LRPPRC: variants seen among roughly 807,000 people sequenced by gnomAD.
LRPPRC encodes the protein leucine rich pentatricopeptide repeat containing, also known as leucine-rich PPR motif-containing protein, mitochondrial.
In LRPPRC, 120 loss-of-function variants were observed where a neutral mutation model predicts 180.3. The ratio of observed to expected loss-of-function variants is 0.67; its 90% CI spans 0.57 to 0.77. The LOEUF (loss-of-function observed/expected upper bound fraction) is 0.77, where lower values mean the gene tolerates loss of function less well. LRPPRC is among the 30% of genes least tolerant of loss of function. The pLI, the probability that LRPPRC is intolerant of heterozygous loss-of-function variation, is 0.00. For missense variants in LRPPRC, 2,012 were observed against 1,657.2 expected (o/e 1.21, Z -3.72); for synonymous variants, 723 against 600.0 (o/e 1.21, Z -3.00).
intron 31 of LRPPRC, chr2:43,902,024 A>G (rs1000901645): frequency 1.9e-5 from 3 of 155,350 alleles, no homozygotes; most frequent in Non-Finnish European, 2.8e-5. Context: ...GAACTTTAAC[A>G]CCAACAAATT....
chr2:43,962,361 C>T (rs941043709), intron 12 of LRPPRC, among the ~76,000 whole-genome samples: 6 of 152,012 alleles, frequency 3.9e-5, no homozygotes, highest in Non-Finnish European at 8.8e-5. Context: ...GATATAAACC[C>T]TAACACTTCA....
chr2:43,948,389 T>C lies in LRPPRC; in HGVS notation c.1842+23A>G, dbSNP rs749201134. ...TACATGTCAGGCAGGACAGGCATTA[T>C]ATAGCAAAAAACGAAATGGTACCAT... On this transcript the variant is annotated intron_variant, in intron 17 of 37. Transcript: ENST00000260665. The C allele has an allele frequency of 1.2e-5, 17 of 1,429,516 alleles. No individual in the cohort carries two copies. In the East Asian group the frequency reaches 2.3e-4, roughly 19 times the overall value. The allele number at this position is 1,429,516 out of a possible 1,614,324, so 88.6% of individuals were successfully genotyped here.
intron 3 of LRPPRC, 77 bp downstream of exon 3, chr2:43,979,749 A>G: frequency 7.7e-7 from 1 of 1,293,690 alleles, no homozygotes. Context: ...TACAGCATTT[A>G]TGTAAACAAA....
intron 35 of LRPPRC, among the ~76,000 whole-genome samples, chr2:43,895,054 T>C (rs183831574): frequency 2.6e-5 from 4 of 152,324 alleles, no homozygotes; most frequent in Non-Finnish European, 5.9e-5. Context: ...AAAAAGAGCA[T>C]TTCCAGAATC....
At chr2:43,971,907 T>C (rs1229260506) in intron 11 of LRPPRC, among the ~76,000 whole-genome samples, 1 of 152,176 alleles carries the variant, frequency 6.6e-6, no homozygotes, top group Non-Finnish European at 1.5e-5. Flanking sequence ...TGACAATCTT[T>C]TGCACTCTCA....
rs72877173 is a variant in LRPPRC, at chr2:43,934,318, A to G, written c.2630-22T>C. On this transcript the variant is annotated intron_variant, in intron 24 of 37. Transcript: ENST00000260665. Reference sequence around the variant, plus strand: ...ATTGCTAGGTAGGAGAGAAAAAAATATATATATTAGGAGAAAAAAAAACCC... The same window carrying G: ...ATTGCTAGGTAGGAGAGAAAAAAATGTATATATTAGGAGAAAAAAAAACCC... 5.2e-3 allele frequency: 6,138 copies of G among 1,184,916 alleles called. 195 individuals carry two copies. In the African/African-American group the frequency reaches 0.071, roughly 14 times the overall value. The allele number at this position is 1,184,916 out of a possible 1,614,324, so 73.4% of individuals were successfully genotyped here. A position where few individuals can be genotyped will look rare whatever the true frequency, so the allele number is the denominator to read the frequency against.
At chr2:43,932,123 C>CAAA (rs746600862) in intron 25 of LRPPRC, among the ~76,000 whole-genome samples, 564 of 20,848 alleles carry the variant, frequency 0.027, 164 homozygotes, top group Middle Eastern at 0.062. Flanking sequence ...GACCCTGTCT[C>CAAA]AAAAAAAAAA....
chr2:43,896,593 CGT>C, intron 35 of LRPPRC, 39 bp downstream of exon 35: 1 of 1,206,718 alleles, frequency 8.3e-7, no homozygotes. Flanking sequence ...GAGCAAGGCA[CGT>C]ACAGTATCAT....
intron 30 of LRPPRC, among the ~76,000 whole-genome samples, chr2:43,908,549 T>TC (rs1218041086): frequency 6.6e-6 from 1 of 152,080 alleles, no homozygotes; most frequent in Non-Finnish European, 1.5e-5. Context: ...CTTTTTTTTT[T>TC]CTCACTCTGT....
chr2:43,917,110 G>A (rs1264238122), intron 29 of LRPPRC, among the ~76,000 whole-genome samples: 1 of 141,784 alleles, frequency 7.1e-6, no homozygotes, highest in Non-Finnish European at 1.5e-5. Context: ...GTGCGATCTC[G>A]GCTCACTACA....
chr2:43,995,655 G>A (rs377349838), intron 1 of LRPPRC, 144 bp downstream of exon 1: 8 of 747,622 alleles, frequency 1.1e-5, no homozygotes, highest in Non-Finnish European at 1.5e-5. Context: ...CTGGTAGGGA[G>A]CGTGGTGCGG....
intron 11 of LRPPRC, among the ~76,000 whole-genome samples, chr2:43,972,606 G>A (rs541403396): frequency 1.3e-5 from 2 of 152,158 alleles, no homozygotes; most frequent in Non-Finnish European, 2.9e-5. Flanking sequence ...TATACAAAGA[G>A]TTAATCAAAC....
intron 36 of LRPPRC, among the ~76,000 whole-genome samples, chr2:43,894,097 G>A (rs1670595344): frequency 6.6e-6 from 1 of 152,000 alleles, no homozygotes; most frequent in Non-Finnish European, 1.5e-5. Flanking sequence ...TTTAATCAAG[G>A]GTCTGTCATT....
rs1670418842 is a variant in LRPPRC, at chr2:43,889,773, C to G, written c.4089G>C (p.Leu1363=). The change falls in exon 37 of 38, where the codon CTG becomes CTC. Residue 1363 remains leucine, a synonymous_variant. Transcript: ENST00000260665. ...DLFLKRYASL[L]KYAGEPVPFI... is the part of the protein sequence containing the mutation. ...AAGGGACAGGCTCTCCAGCATACTT[C>G]AGCAAAGATGCGTAACGCTTTAGAA... 6.2e-7 allele frequency: 1 copy of G among 1,613,184 alleles called. No individual in the cohort carries two copies. The highest frequency in any genetic ancestry group is 8.5e-7 in the Non-Finnish European group (1 of 1,179,114).
intron 25 of LRPPRC, among the ~76,000 whole-genome samples, chr2:43,927,408 C>G (rs757265010): frequency 5.9e-5 from 9 of 152,154 alleles, no homozygotes; most frequent in Non-Finnish European, 7.4e-5. Flanking sequence ...TTCTCATTTC[C>G]TATATCATCC....
intron 1 of LRPPRC, among the ~76,000 whole-genome samples, chr2:43,993,680 AAC>A (rs1674887806): frequency 6.6e-6 from 1 of 152,048 alleles, no homozygotes; most frequent in Non-Finnish European, 1.5e-5. Context: ...CTGTCACCTG[AAC>A]ACACAGTGGT....
At chr2:43,897,591 G>C (rs980224117) in intron 34 of LRPPRC, among the ~76,000 whole-genome samples, 1 of 152,136 alleles carries the variant, frequency 6.6e-6, no homozygotes, top group South Asian at 2.1e-4. Context: ...AGCAGGTAAA[G>C]GATGGGTGAA....
chr2:43,889,723 GA>G lies in LRPPRC; in HGVS notation c.4128+10del, dbSNP rs1403041336. On this transcript the variant is annotated intron_variant, in intron 37 of 37. Coordinates refer to ENST00000260665, the MANE Select transcript of LRPPRC (RefSeq NM_133259.4). ...AGAGGTATTTTTTCCCCTTAATTAA[GA>G]AATACTCACAGGGGGTTCAATGAAA... is the stretch of plus-strand genomic sequence containing the variant. 6.2e-7 allele frequency: 1 copy of G among 1,605,456 alleles called. No individual in the cohort carries two copies. The highest frequency in any genetic ancestry group is 1.7e-5 in the Admixed American group (1 of 59,982).
In LRPPRC at chr2:43,886,291, TATA is replaced by T. The variant is rs1357161608; in HGVS notation, c.*2306_*2308del. Among the ~76,000 whole-genome samples the T allele has an allele frequency of 2.0e-5, 3 of 152,184 alleles. No individual in the cohort carries two copies. Among genetic ancestry groups the T allele is most frequent in the African/African-American group, 7.2e-5 (3 of 41,438 alleles). ...TATTTTGGGTTCAAATACATGAACA[TATA>T]ATTATATATAAAATACTATAGTTCT... On this transcript the variant is annotated 3_prime_UTR_variant, in exon 38 of 38. Transcript: ENST00000260665.
Sources: gnomAD v4.1 joint callset for allele counts (sites outside exome capture counted in the v4.1 genomes callset) on GRCh38, gnomAD v4.1.1 for gene constraint, MANE v1.5 for transcripts, NCBI Gene and HGNC (gene_info 2026-07-23, HGNC 2026-07-21) for gene names.